Variants in RCOR1 observed in about 807,000 individuals in gnomAD.
The protein encoded by RCOR1 is REST corepressor.
In RCOR1, 12 loss-of-function variants were observed where a neutral mutation model predicts 64.0. That is an observed-to-expected ratio of 0.19 (90% CI 0.12 to 0.30). The LOEUF is 0.30. RCOR1 is among the 10% of genes least tolerant of loss of function. RCOR1 has a pLI of 1.00. For missense variants in RCOR1, 502 were observed against 621.2 expected, an observed-to-expected ratio of 0.81 and a Z score of 2.04; for synonymous variants, 279 against 227.2, an observed-to-expected ratio of 1.23 and a Z score of -2.05.
intron 2 of RCOR1, among the ~76,000 whole-genome samples, chr14:102,610,907 C>G (rs2139889417): frequency 6.6e-6 from 1 of 152,126 alleles, no homozygotes; most frequent in East Asian, 1.9e-4. Context: ...CCTCTTTTGT[C>G]AAGTGCATGA....
chr14:102,676,127 G>A (rs895848667), intron 2 of RCOR1, among the ~76,000 whole-genome samples: 13 of 148,934 alleles, frequency 8.7e-5, no homozygotes, highest in Non-Finnish European at 1.5e-4. Context: ...CACAGACCCG[G>A]CAACCATCCG....
intron 2 of RCOR1, among the ~76,000 whole-genome samples, chr14:102,633,742 T>C (rs763667721): frequency 2.0e-5 from 3 of 152,104 alleles, no homozygotes; most frequent in Non-Finnish European, 4.4e-5. Flanking sequence ...TTTCACCATG[T>C]TGGCCAGGCT....
At chr14:102,594,383 C>T (rs1016824252) in intron 2 of RCOR1, among the ~76,000 whole-genome samples, 1 of 152,064 alleles carries the variant, frequency 6.6e-6, no homozygotes. Context: ...ATGTTTTTTC[C>T]TTGGAAACAA....
At chr14:102,626,440 C>T (rs1462892759) in intron 2 of RCOR1, among the ~76,000 whole-genome samples, 1 of 152,214 alleles carries the variant, frequency 6.6e-6, no homozygotes, top group Non-Finnish European at 1.5e-5. Flanking sequence ...TAGCTGGCTG[C>T]TCAGTCATGT....
intron 2 of RCOR1, among the ~76,000 whole-genome samples, chr14:102,677,346 C>CG (rs1401858094): frequency 7.1e-6 from 1 of 141,246 alleles, no homozygotes; most frequent in Admixed American, 6.7e-5. Context: ...CTGACCCCCC[C>CG]CCCACCTCCC....
intron 2 of RCOR1, among the ~76,000 whole-genome samples, chr14:102,663,516 G>A (rs753498652): frequency 2.0e-5 from 3 of 152,166 alleles, no homozygotes; most frequent in Non-Finnish European, 4.4e-5. Context: ...AGTTTTCTCT[G>A]GGTTATGGTG....
At chr14:102,715,194 G>A (rs1388423335) in intron 8 of RCOR1, among the ~76,000 whole-genome samples, 4 of 149,828 alleles carry the variant, frequency 2.7e-5, no homozygotes, top group East Asian at 2.0e-4. Context: ...TCAGCCTCCC[G>A]AGTAGCTGGG....
At chr14:102,613,435 A>ATT (rs61269468) in intron 2 of RCOR1, among the ~76,000 whole-genome samples, 8 of 119,296 alleles carry the variant, frequency 6.7e-5, no homozygotes, top group Non-Finnish European at 1.1e-4. Context: ...TTTATTTATC[A>ATT]TTTTTTTTTT....
chr14:102,708,377 G>A (rs1895896249), intron 5 of RCOR1, 88 bp from the exon 6 acceptor site: 3 of 766,624 alleles, frequency 3.9e-6, no homozygotes, highest in Non-Finnish European at 2.3e-6. Context: ...TGGGATTACA[G>A]GCGTGAGCCG....
In RCOR1 at chr14:102,593,001, G is replaced by T; in HGVS notation, c.115G>T (p.Ala39Ser). Reference sequence around the variant, plus strand: ...CTCCGCCGCCGCCTCGGCCGCCTGCGCCTCGCCAGCCGCCACTGCCGCCTC... The same window carrying T: ...CTCCGCCGCCGCCTCGGCCGCCTGCTCCTCGCCAGCCGCCACTGCCGCCTC... ...AASAAASAAC[A>S]SPAATAASGA... Residue 39 changes from alanine to serine, a missense_variant, in exon 1 of 12, where the codon GCC (alanine) becomes TCC (serine). Physicochemically the swap from Ala to Ser is moderately conservative, Grantham distance 99. This residue lies in a region of RCOR1 where 242 missense variants were observed against 204.9 expected (regional missense o/e 1.18). Coordinates refer to ENST00000262241, the MANE Select transcript of RCOR1 (RefSeq NM_015156.4). The T allele has an allele frequency of 8.4e-7, 1 of 1,186,506 alleles. No individual in the cohort carries two copies. The allele number at this position is 1,186,506 out of a possible 1,614,324, so 73.5% of individuals were successfully genotyped here.
chr14:102,674,886 C>T (rs1895108187), intron 2 of RCOR1, among the ~76,000 whole-genome samples: 1 of 151,864 alleles, frequency 6.6e-6, no homozygotes, highest in African/African-American at 2.4e-5. Flanking sequence ...CGGTGAAACC[C>T]TGTCTCTACT....
At chr14:102,704,078 A>G (rs565022115) in intron 4 of RCOR1, among the ~76,000 whole-genome samples, 1 of 152,346 alleles carries the variant, frequency 6.6e-6, no homozygotes, top group South Asian at 2.1e-4. Flanking sequence ...CTCTTATCCA[A>G]GAGAGTTGAG....
chr14:102,601,979 C>T (rs1339603279), intron 2 of RCOR1, among the ~76,000 whole-genome samples: 6 of 151,710 alleles, frequency 4.0e-5, no homozygotes, highest in East Asian at 1.9e-4. Flanking sequence ...GCCAACATGG[C>T]GAAACCCCGT....
At chr14:102,706,114 C>CAAAAAAA (rs71119732) in intron 4 of RCOR1, among the ~76,000 whole-genome samples, 348 of 21,330 alleles carry the variant, frequency 0.016, 26 homozygotes, top group East Asian at 0.043. Context: ...AACCCTGTCT[C>CAAAAAAA]AAAAAAAAAA....
chr14:102,592,817 C>T lies in RCOR1; in HGVS notation c.-70C>T, dbSNP rs1344987046. The T allele has an allele frequency of 2.6e-6, 3 of 1,176,166 alleles. No homozygotes were observed. Among genetic ancestry groups the T allele is most frequent in the African/African-American group, 1.6e-5 (1 of 61,856 alleles). 72.9% of individuals were successfully genotyped at this position (1,176,166 alleles called of 1,614,324 possible). On this transcript the variant is annotated 5_prime_UTR_variant, in exon 1 of 12. Transcript: ENST00000262241. ...CCCCGCGCCGGCCCCGCGCCCCCTC[C>T]CCCGTCTCGGCGCCCCCTCCTCAGG...
intron 3 of RCOR1, among the ~76,000 whole-genome samples, chr14:102,693,046 C>G (rs1173235225): frequency 1.3e-5 from 2 of 152,058 alleles, no homozygotes; most frequent in African/African-American, 4.8e-5. Context: ...GATTACAGGC[C>G]TGAGCTTCTG....
Position 102,607,427 on chromosome 14 carries a change from A to G in RCOR1, c.361+14102A>G, listed in dbSNP as rs370640187. Among the ~76,000 whole-genome samples, 16 of 152,246 alleles carry G rather than the reference A, an allele frequency of 1.1e-4. No homozygotes were observed. The South Asian group carries it at 3.3e-3, about 32-fold the overall frequency. ...AGATGTGTTTTCTTTTTTTTATATAAAGTGGTGCAAGTCACATCACAAAAT... is the reference window on the plus strand; with the variant it reads ...AGATGTGTTTTCTTTTTTTTATATAGAGTGGTGCAAGTCACATCACAAAAT... On this transcript the variant is annotated intron_variant, in intron 2 of 11. Coordinates refer to ENST00000262241, the MANE Select transcript of RCOR1 (RefSeq NM_015156.4).
intron 3 of RCOR1, among the ~76,000 whole-genome samples, chr14:102,697,225 T>G (rs1895668768): frequency 6.6e-6 from 1 of 152,156 alleles, no homozygotes; most frequent in Non-Finnish European, 1.5e-5. Flanking sequence ...CCCAGTTAGG[T>G]GATAACCTGG....
intron 2 of RCOR1, among the ~76,000 whole-genome samples, chr14:102,663,799 A>T (rs1198782741): frequency 6.6e-6 from 1 of 152,228 alleles, no homozygotes; most frequent in Non-Finnish European, 1.5e-5. Context: ...AGGTTTGACG[A>T]TCGTATGTGG....
Sources: allele counts gnomAD v4.1 joint callset (sites outside exome capture counted in the v4.1 genomes callset), GRCh38; gene constraint gnomAD v4.1.1; regional missense constraint gnomAD v4.1.1; transcripts MANE v1.5; gene names NCBI Gene and HGNC (gene_info 2026-07-23, HGNC 2026-07-21).